Variants in MAN2C1 observed in about 807,000 individuals in gnomAD.
MAN2C1 encodes the protein mannosidase alpha class 2C member 1.
In MAN2C1, 111 loss-of-function variants were observed where a neutral mutation model predicts 126.9. The ratio of observed to expected loss-of-function variants is 0.87; its 90% CI spans 0.75 to 1.02. MAN2C1 has a LOEUF of 1.02. Ranked by LOEUF, MAN2C1 falls within the 50% of genes least tolerant of loss-of-function variation. The pLI, the probability that MAN2C1 is intolerant of heterozygous loss-of-function variation, is 0.00. For synonymous variants in MAN2C1, 567 were observed against 561.5 expected (o/e 1.01, Z -0.14); for missense variants, 1,363 against 1,364.4 (o/e 1.00, Z 0.02).
chr15:75,364,134 T>C lies in MAN2C1; in HGVS notation c.655A>G (p.Met219Val), dbSNP rs144333944. The change falls in exon 6 of 26, where the codon ATG becomes GTG. Residue 219 changes from methionine (M) to valine (V), a missense_variant. Physicochemically the swap from Met to Val is conservative, Grantham distance 21. Transcript: ENST00000267978. ...SFQALYTANQ[M>V]VNVCDPAQPE... Reference sequence around the variant, plus strand: ...TGGGCAGGGTCACACACGTTCACCATCTGATTGGCTGTGTACAGGGCCTGG... The same window carrying C: ...TGGGCAGGGTCACACACGTTCACCACCTGATTGGCTGTGTACAGGGCCTGG... 116 of 1,614,164 alleles carry C rather than the reference T, an allele frequency of 7.2e-5. No individual in the cohort carries two copies. The African/African-American group carries it at 1.3e-3, about 18-fold the overall frequency.
At position 75,363,819 on chromosome 15, in the gene MAN2C1, A is replaced by T. The variant is rs2072523517; in HGVS notation, c.790+180T>A. Reference sequence around the variant, plus strand: ...GAGACTCCGTCTCAAAAAAAAAAAAAGTGAATCCAAAGCAAGCAGAGCCCA... The same window carrying T: ...GAGACTCCGTCTCAAAAAAAAAAAATGTGAATCCAAAGCAAGCAGAGCCCA... On this transcript the variant is annotated intron_variant, in intron 6 of 25. Coordinates refer to ENST00000267978, the MANE Select transcript of MAN2C1 (RefSeq NM_006715.4). 15 of 641,608 alleles carry T rather than the reference A, an allele frequency of 2.3e-5. 1 individual carries two copies. The South Asian group carries it at 2.9e-4, about 13-fold the overall frequency. 39.7% of individuals were successfully genotyped at this position (641,608 alleles called of 1,614,324 possible). A position where few individuals can be genotyped will look rare whatever the true frequency, so the allele number is the denominator to read the frequency against.
chr15:75,361,669 G>A lies in MAN2C1; in HGVS notation c.1153C>T (p.His385Tyr). Residue 385 changes from histidine (H) to tyrosine (Y), a missense_variant, in exon 10 of 26, where the codon CAC becomes TAC. By Grantham distance (83) the His-to-Tyr change is moderately conservative. This residue lies in a region of MAN2C1 where 628 missense variants were observed against 609.8 expected (regional missense o/e 1.03). Transcript: ENST00000267978. The surrounding 1 kb of genome is among the most constrained non-coding windows in gnomAD (Gnocchi z 5.0). ...AGAAAGCGCCTGATGCCACAGCCGTGCATGATCTGGGGGAGCTGTGCTGAG... is the reference window on the plus strand; with the variant it reads ...AGAAAGCGCCTGATGCCACAGCCGTACATGATCTGGGGGAGCTGTGCTGAG... ...GYSAQLPQIM[H>Y]GCGIRRFLTQ... The A allele has an allele frequency of 6.2e-7, 1 of 1,614,006 alleles. No homozygotes were observed. The highest frequency in any genetic ancestry group is 8.5e-7 in the Non-Finnish European group (1 of 1,180,006).
chr15:75,356,161 C>T lies in MAN2C1; in HGVS notation c.2945G>A (p.Ser982Asn), dbSNP rs561303224. Residue 982 changes from serine (S) to asparagine (N), a missense_variant, in exon 25 of 26, where the codon AGC becomes AAC. Ser to Asn is a conservative substitution (Grantham distance 46, BLOSUM62 1). Coordinates refer to ENST00000267978, the MANE Select transcript of MAN2C1 (RefSeq NM_006715.4). The surrounding 1 kb of genome is among the most constrained non-coding windows in gnomAD (Gnocchi z 5.8). ...CAAGTGCAGCCAGCAGTCCACGTGG[C>T]TGCCGTGGGCCTCATACAGCCTCAG... ...LVLRLYEAHG[S>N]HVDCWLHLSL... 1.0e-4 allele frequency: 162 copies of T among 1,613,632 alleles called. 1 individual carries two copies. In the South Asian group the frequency reaches 1.7e-3, roughly 17 times the overall value.
At position 75,362,614 on chromosome 15, in the gene MAN2C1, C is replaced by T; in HGVS notation, c.897+28G>A. On this transcript the variant is annotated intron_variant, in intron 7 of 25. Transcript: ENST00000267978. This position sits in a 1 kb window ranked among gnomAD's most constrained non-coding sequence, Gnocchi z 4.5. ...AGCTCCAGGGAGGGCCACGTGCTTC[C>T]CTCCTCCCTCACAGCTGTCCCTCTG... 6.2e-7 allele frequency: 1 copy of T among 1,608,198 alleles called. No individual in the cohort carries two copies. Among genetic ancestry groups the T allele is most frequent in the Non-Finnish European group, 8.5e-7 (1 of 1,175,074 alleles).
In MAN2C1 at chr15:75,362,464, G is replaced by C; in HGVS notation, c.898-11C>G. On this transcript the variant is annotated splice_polypyrimidine_tract_variant and intron_variant, in intron 7 of 25. Coordinates refer to ENST00000267978, the MANE Select transcript of MAN2C1 (RefSeq NM_006715.4). This position sits in a 1 kb window ranked among gnomAD's most constrained non-coding sequence, Gnocchi z 4.5. ...TTCCAGCTGCTGCGCCTGTGGGCAG[G>C]TTGAAGGGAGCTGGGACCAGAGTGA... is the stretch of plus-strand genomic sequence containing the variant. 1.3e-6 allele frequency: 2 copies of C among 1,596,728 alleles called. No homozygotes were observed. Among genetic ancestry groups the C allele is most frequent in the Non-Finnish European group, 1.7e-6 (2 of 1,171,672 alleles).
In MAN2C1 at chr15:75,368,478, C is replaced by G. The variant is rs1320819165; in HGVS notation, c.101+5G>C. The G allele has an allele frequency of 6.5e-7, 1 of 1,549,898 alleles. No homozygotes were observed. Among genetic ancestry groups the G allele is most frequent in the South Asian group, 1.2e-5 (1 of 84,102 alleles). On this transcript the variant is annotated splice_donor_5th_base_variant and intron_variant, in intron 1 of 25. Transcript: ENST00000267978. ...CGGCCGGCTGCGGGGGACCAGGGGC[C>G]ACACCTGCCGCGGAGGTTACAGTCG...
Position 75,358,312 on chromosome 15 carries a change from CT to C in MAN2C1, c.2435del (p.Lys812ArgfsTer97), listed in dbSNP as rs1332841848. The C allele has an allele frequency of 9.9e-6, 16 of 1,614,036 alleles. No individual in the cohort carries two copies. Among genetic ancestry groups the C allele is most frequent in the African/African-American group, 2.7e-5 (2 of 74,910 alleles). On this transcript the variant is annotated frameshift_variant, in exon 21 of 26. Transcript: ENST00000267978. LOFTEE classifies it high-confidence loss of function. Reference sequence around the variant, plus strand: ...TCCGCACGCGAGCAGGGAACTCCACCTTCAGGAACTTGTGGGCCTCATGCCA... The same window carrying C: ...TCCGCACGCGAGCAGGGAACTCCACCTCAGGAACTTGTGGGCCTCATGCCA... The part of the protein sequence containing the change: ...VHWHEAHKFL[K>X]VEFPARVRSS...
rs1197490362 is a variant in MAN2C1, at chr15:75,359,619, C to T, written c.1948+1G>A. 1.2e-6 allele frequency: 2 copies of T among 1,613,846 alleles called. No individual in the cohort carries two copies. Among genetic ancestry groups the T allele is most frequent in the Middle Eastern group, 1.7e-4 (1 of 6,034 alleles). ...TAGCAACCCTTCCCCTCAGCTCGTA[C>T]CTAGGCTGTGGGCCCCGCCCGGTTT... On this transcript the variant is annotated splice_donor_variant, in intron 16 of 25. Transcript: ENST00000267978. LOFTEE classifies it high-confidence loss of function.
chr15:75,367,740 TGTCACA>T (rs2072606156), intron 2 of MAN2C1, 106 bp from the exon 3 acceptor site: 1 of 1,401,780 alleles, frequency 7.1e-7, no homozygotes, highest in African/African-American at 1.4e-5. Flanking sequence ...GCATCTGCAG[TGTCACA>T]AGGTACTCAG....
intron 4 of MAN2C1, among the ~76,000 whole-genome samples, chr15:75,366,267 G>A (rs1014405719): frequency 1.6e-4 from 25 of 152,226 alleles, no homozygotes; most frequent in African/African-American, 6.0e-4. Context: ...TGTGATCATG[G>A]CTCACTGCAG....
At position 75,359,742 on chromosome 15, in the gene MAN2C1, G is replaced by A; in HGVS notation, c.1826C>T (p.Ala609Val). The change falls in exon 16 of 26, where the codon GCT becomes GTT. Residue 609 changes from alanine to valine, a missense_variant. Transcript: ENST00000267978. ...CCCAGCACACAGGGCTGCGGCTGCA[G>A]CGCTGAGCAGTGTATTGCCATGGGA... ...IRSHGNTLLS[A>V]AAAALCAGEP... 6.2e-7 allele frequency: 1 copy of A among 1,614,022 alleles called. No individual in the cohort carries two copies. The highest frequency in any genetic ancestry group is 1.3e-5 in the African/African-American group (1 of 75,078).
In MAN2C1 at chr15:75,358,445, C is replaced by T. The variant is rs890074274; in HGVS notation, c.2403+17G>A. On this transcript the variant is annotated intron_variant, in intron 20 of 25. Transcript: ENST00000267978. ...AGCACACTTGGGGAAAACAGCCACC[C>T]CCTACCCCCCGACTACCTCGGTGTG... The T allele has an allele frequency of 1.2e-6, 2 of 1,613,366 alleles. No individual in the cohort carries two copies. Among genetic ancestry groups the T allele is most frequent in the Admixed American group, 1.7e-5 (1 of 60,018 alleles).
intron 21 of MAN2C1, 23 bp downstream of exon 21, chr15:75,358,178 A>T (rs762107125): frequency 1.9e-6 from 3 of 1,613,470 alleles, no homozygotes; most frequent in Non-Finnish European, 2.5e-6. Context: ...GTCCAAGGCC[A>T]CTCCCACCCT....
Position 75,359,107 on chromosome 15 carries a change from A to G in MAN2C1, c.2093T>C (p.Leu698Pro). 6.2e-7 allele frequency: 1 copy of G among 1,614,062 alleles called. No individual in the cohort carries two copies. Among genetic ancestry groups the G allele is most frequent in the South Asian group, 1.1e-5 (1 of 91,090 alleles). Residue 698 changes from leucine (L) to proline (P), a missense_variant, in exon 18 of 26, where the codon CTG (leucine) becomes CCG (proline). Transcript: ENST00000267978. ...GGACGTCAGGCGACCAGTTGGGTCC[A>G]GCTTCACTCGGATGATGCCATTGTC... The part of the protein sequence containing the change: ...TLDNGIIRVK[L>P]DPTGRLTSLV...
At chr15:75,360,361 T>A in intron 13 of MAN2C1, 150 bp from the exon 14 acceptor site, 1 of 1,317,090 alleles carries the variant, frequency 7.6e-7, no homozygotes, top group Non-Finnish European at 1.0e-6. Flanking sequence ...ATGCCTTCCC[T>A]CTTCTCCCCG....
At chr15:75,360,988 C>A (rs558869347) in intron 12 of MAN2C1, 58 bp downstream of exon 12, 2 of 1,558,120 alleles carry the variant, frequency 1.3e-6, no homozygotes, top group Non-Finnish European at 1.7e-6. Context: ...TGAGGGAAGG[C>A]AGGGCTCATG....
chr15:75,368,344 C>T (rs2072632150), intron 1 of MAN2C1, 139 bp downstream of exon 1: 5 of 1,402,104 alleles, frequency 3.6e-6, no homozygotes, highest in Non-Finnish European at 4.8e-6. Context: ...TCCCTACCCC[C>T]TCCTCCCCGG....
In MAN2C1 at chr15:75,359,944, C is replaced by T; in HGVS notation, c.1751G>A (p.Cys584Tyr). The T allele has an allele frequency of 6.2e-7, 1 of 1,613,570 alleles. No individual in the cohort carries two copies. ...GGCTTCCTCTGCCACCATCTGGATGCAGCTTCCAGTCACCACATCATGGAA... is the reference window on the plus strand; with the variant it reads ...GGCTTCCTCTGCCACCATCTGGATGTAGCTTCCAGTCACCACATCATGGAA... The part of the protein sequence containing the change: ...NQFHDVVTGS[C>Y]IQMVAEEAMC... The change falls in exon 15 of 26, where the codon TGC becomes TAC. Residue 584 changes from cysteine (C) to tyrosine (Y), a missense_variant. Around this residue, in one of 3 missense-constraint regions of MAN2C1, gnomAD observed 668 missense variants for 650.1 expected, o/e 1.03. Coordinates refer to ENST00000267978, the MANE Select transcript of MAN2C1 (RefSeq NM_006715.4).
chr15:75,368,238 C>A, intron 1 of MAN2C1, 40 bp from the exon 2 acceptor site: 1 of 1,560,354 alleles, frequency 6.4e-7, no homozygotes, highest in East Asian at 2.4e-5. Flanking sequence ...TGGAGGCCGC[C>A]CCGTTTCCGC....
Sources: gnomAD v4.1 joint callset for allele counts (sites outside exome capture counted in the v4.1 genomes callset) on GRCh38, gnomAD v4.1.1 for gene constraint, gnomAD v4.1.1 regional missense constraint, Gnocchi (gnomAD v3.1) non-coding constraint, MANE v1.5 for transcripts, NCBI Gene and HGNC (gene_info 2026-07-23, HGNC 2026-07-21) for gene names.